The following CFAP263 variants were observed in gnomAD, a reference collection of about 807,000 sequenced individuals.
The protein encoded by CFAP263 is cilia and flagella associated protein 263.
At chr16:58,262,540 A>T in the CFAP263 span, 1 of 1,598,112 alleles carries the variant, frequency 6.3e-7, no homozygotes, top group African/African-American at 1.3e-5. Context: ...ATGCCTACAA[A>T]GTAAGGCCAT....
chr16:58,252,652 A>G, the CFAP263 span: 1 of 1,349,566 alleles, frequency 7.4e-7, no homozygotes, highest in Non-Finnish European at 1.1e-6. Context: ...TTGCAGGTCT[A>G]CTAGTTATTA....
At chr16:58,256,445 C>A in the CFAP263 span, among the ~76,000 whole-genome samples, 2 of 152,120 alleles carry the variant, frequency 1.3e-5, no homozygotes, top group African/African-American at 4.8e-5. Context: ...GAAAGAAGGG[C>A]ACCCCAGGTA....
the CFAP263 span, chr16:58,262,488 C>T: frequency 4.3e-6 from 7 of 1,613,436 alleles, no homozygotes; most frequent in African/African-American, 8.0e-5. Context: ...CAAGAACTGA[C>T]CCAGCTAAAG....
At chr16:58,259,708 G>A in the CFAP263 span, 1 of 536,946 alleles carries the variant, frequency 1.9e-6, no homozygotes. Context: ...GCCCCAGCTT[G>A]AGTAGAAGTA....
the CFAP263 span, chr16:58,282,697 T>A: frequency 6.6e-6 from 1 of 152,246 alleles, no homozygotes; most frequent in Non-Finnish European, 1.5e-5. Flanking sequence ...AATTGACTGG[T>A]GAAGAGGCCC....
At chr16:58,278,544 A>C in the CFAP263 span, 18 of 1,614,080 alleles carry the variant, frequency 1.1e-5, no homozygotes, top group East Asian at 3.6e-4. Context: ...AGTTCCGGGC[A>C]CCACAGGTGA....
At chr16:58,255,388 A>G in the CFAP263 span, among the ~76,000 whole-genome samples, 1 of 152,050 alleles carries the variant, frequency 6.6e-6, no homozygotes, top group African/African-American at 2.4e-5. Context: ...CTGAGGGTGG[A>G]TCTTCCCCCC....
the CFAP263 span, among the ~76,000 whole-genome samples, chr16:58,259,237 TA>T: frequency 2.0e-5 from 3 of 152,056 alleles, no homozygotes; most frequent in African/African-American, 7.2e-5. Context: ...AAAAAACCTT[TA>T]AAAAAATTGT....
At chr16:58,274,803 C>T in the CFAP263 span, among the ~76,000 whole-genome samples, 1 of 152,180 alleles carries the variant, frequency 6.6e-6, no homozygotes, top group Non-Finnish European at 1.5e-5. Flanking sequence ...AGCCTCTCTC[C>T]CTGGGCAAAA....
At chr16:58,267,656 C>T in the CFAP263 span, 1 of 925,018 alleles carries the variant, frequency 1.1e-6, no homozygotes, top group Non-Finnish European at 1.7e-6. Flanking sequence ...GAGTCAAGGT[C>T]CACCAAGATC....
At chr16:58,264,247 C>T in the CFAP263 span, among the ~76,000 whole-genome samples, 1 of 152,178 alleles carries the variant, frequency 6.6e-6, no homozygotes, top group Non-Finnish European at 1.5e-5. Context: ...TACTTGATCA[C>T]ATTGGACCTC....
At chr16:58,280,321 C>G in the CFAP263 span, 5 of 1,614,166 alleles carry the variant, frequency 3.1e-6, no homozygotes, top group South Asian at 5.5e-5. Context: ...CCTACCTTCC[C>G]CCACCTCCCC....
the CFAP263 span, among the ~76,000 whole-genome samples, chr16:58,250,731 C>A: frequency 6.7e-6 from 1 of 150,362 alleles, no homozygotes; most frequent in Non-Finnish European, 1.5e-5. Context: ...TGCCACTGCA[C>A]CCCAGCCTGG....
the CFAP263 span, among the ~76,000 whole-genome samples, chr16:58,258,032 G>A: frequency 3.3e-5 from 5 of 150,652 alleles, no homozygotes; most frequent in African/African-American, 7.3e-5. Context: ...TGCTCGAACC[G>A]AGGAGGCGGA....
chr16:58,283,211 G>C, the CFAP263 span: 2 of 152,200 alleles, frequency 1.3e-5, no homozygotes, highest in East Asian at 1.9e-4. Context: ...TTCTGAACCT[G>C]GTGGTTGATT....
the CFAP263 span, chr16:58,258,510 T>C: frequency 8.7e-6 from 14 of 1,613,778 alleles, no homozygotes; most frequent in Admixed American, 2.3e-4. Flanking sequence ...ATTGAGGACA[T>C]GAACCGCCGG....
At chr16:58,271,123 T>A in the CFAP263 span, among the ~76,000 whole-genome samples, 10 of 152,340 alleles carry the variant, frequency 6.6e-5, no homozygotes, top group Non-Finnish European at 1.2e-4. Context: ...ACTACTTTTT[T>A]AATGTTGATT....
chr16:58,277,641 T>C, the CFAP263 span, among the ~76,000 whole-genome samples: 1 of 152,072 alleles, frequency 6.6e-6, no homozygotes, highest in African/African-American at 2.4e-5. Flanking sequence ...TTCTTCACAA[T>C]AGCCAAGAAG....
chr16:58,262,513 C>T, the CFAP263 span: 2 of 1,609,122 alleles, frequency 1.2e-6, no homozygotes, highest in African/African-American at 1.3e-5. Flanking sequence ...CATCTGGAAA[C>T]ACTCTGCAGG....
Sources: allele counts gnomAD v4.1 joint callset (sites outside exome capture counted in the v4.1 genomes callset), GRCh38; gene constraint gnomAD v4.1.1; transcripts MANE v1.5; gene names NCBI Gene and HGNC (gene_info 2026-07-23, HGNC 2026-07-21).